The following ATP6V0B variants were observed in gnomAD, a reference collection of about 807,000 sequenced individuals.
The protein encoded by ATP6V0B is V-type proton ATPase 21 kDa proteolipid subunit c''.
In ATP6V0B, 4 loss-of-function variants were observed where a neutral mutation model predicts 26.2. That is an observed-to-expected ratio of 0.15 (90% CI 0.08 to 0.35). The LOEUF (loss-of-function observed/expected upper bound fraction) is 0.35. Ranked by LOEUF, ATP6V0B falls within the 10% of genes least tolerant of loss-of-function variation. The pLI, the probability that ATP6V0B is intolerant of heterozygous loss-of-function variation, is 1.00. For synonymous variants in ATP6V0B, 110 were observed against 105.8 expected, an observed-to-expected ratio of 1.04 and a Z score of -0.24; for missense variants, 175 against 272.5, an observed-to-expected ratio of 0.64 and a Z score of 2.52.
chr1:43,975,091 C>T lies in ATP6V0B; in HGVS notation c.51C>T (p.Ala17=), dbSNP rs1182607243. The change falls in exon 1 of 8, where the codon GCC becomes GCT. Residue 17 remains alanine, a synonymous_variant. Coordinates refer to ENST00000472174, the MANE Select transcript of ATP6V0B (RefSeq NM_004047.5). ...LYSGVFVAFW[A]CALAVGVCYT... is the part of the protein sequence containing the mutation. ...CCGGGGTCTTCGTGGCCTTCTGGGC[C>T]TGCGCGCTGGCCGTGGGTGAGGCCG... 8 of 1,410,110 alleles carry T rather than the reference C, an allele frequency of 5.7e-6. No individual in the cohort carries two copies. Among genetic ancestry groups the T allele is most frequent in the Non-Finnish European group, 7.4e-6 (8 of 1,087,902 alleles). 87.3% of individuals were successfully genotyped at this position (1,410,110 alleles called of 1,614,324 possible). A position where few individuals can be genotyped will look rare whatever the true frequency, so the allele number is the denominator to read the frequency against.
At chr1:43,975,778 T>A in intron 1 of ATP6V0B, 22 bp from the exon 2 acceptor site, 1 of 1,582,762 alleles carries the variant, frequency 6.3e-7, no homozygotes, top group Non-Finnish European at 8.6e-7. Flanking sequence ...CGTAACCCCC[T>A]TTTTCTCCCT....
chr1:43,975,539 C>T, intron 1 of ATP6V0B: 1 of 574,594 alleles, frequency 1.7e-6, no homozygotes, highest in Non-Finnish European at 3.1e-6. Context: ...CTTGCTCCCT[C>T]GGTCCCGCCT....
chr1:43,977,230 T>G lies in ATP6V0B; in HGVS notation c.591+14T>G, dbSNP rs1433736221. On this transcript the variant is annotated intron_variant, in intron 7 of 7. Coordinates refer to ENST00000472174, the MANE Select transcript of ATP6V0B (RefSeq NM_004047.5). ...GCAATTCTTCAGGTGATGAATCCCCTTGGGAAGCCTCTGTGTCCTTGTCCC... is the reference window on the plus strand; with the variant it reads ...GCAATTCTTCAGGTGATGAATCCCCGTGGGAAGCCTCTGTGTCCTTGTCCC... The G allele has an allele frequency of 1.9e-6, 3 of 1,614,102 alleles. No individual in the cohort carries two copies. Among genetic ancestry groups the G allele is most frequent in the Non-Finnish European group, 2.5e-6 (3 of 1,180,050 alleles).
At chr1:43,977,246 T>A (rs1398901516) in intron 7 of ATP6V0B, 30 bp downstream of exon 7, 18 of 1,614,070 alleles carry the variant, frequency 1.1e-5, no homozygotes, top group Non-Finnish European at 1.4e-5. Context: ...AGCCTCTGTG[T>A]CCTTGTCCCC....
Position 43,976,515 on chromosome 1 carries a change from C to A in ATP6V0B, c.279-75C>A, listed in dbSNP as rs936346290. On this transcript the variant is annotated intron_variant, in intron 4 of 7. Coordinates refer to ENST00000472174, the MANE Select transcript of ATP6V0B (RefSeq NM_004047.5). The surrounding 1 kb of genome is among the most constrained non-coding windows in gnomAD (Gnocchi z 4.6). ...TAGGGGAAAGATTGCTGGGGACTTACTGGGCAGGAAGGACGGTTTCTTTCT... is the reference window on the plus strand; with the variant it reads ...TAGGGGAAAGATTGCTGGGGACTTAATGGGCAGGAAGGACGGTTTCTTTCT... 4 of 1,578,276 alleles carry A rather than the reference C, an allele frequency of 2.5e-6. No individual in the cohort carries two copies. Among genetic ancestry groups the A allele is most frequent in the Non-Finnish European group, 1.7e-6 (2 of 1,148,672 alleles).
Position 43,976,518 on chromosome 1 carries a change from G to T in ATP6V0B, c.279-72G>T. ...GGGAAAGATTGCTGGGGACTTACTG[G>T]GCAGGAAGGACGGTTTCTTTCTCAT... is the stretch of plus-strand genomic sequence containing the variant. On this transcript the variant is annotated intron_variant, in intron 4 of 7. Coordinates refer to ENST00000472174, the MANE Select transcript of ATP6V0B (RefSeq NM_004047.5). The surrounding 1 kb of genome is among the most constrained non-coding windows in gnomAD (Gnocchi z 4.6). 6.3e-7 allele frequency: 1 copy of T among 1,582,262 alleles called. No homozygotes were observed. Among genetic ancestry groups the T allele is most frequent in the Non-Finnish European group, 8.7e-7 (1 of 1,151,968 alleles).
chr1:43,975,299 T>C, intron 1 of ATP6V0B, 192 bp downstream of exon 1: 1 of 697,246 alleles, frequency 1.4e-6, no homozygotes, highest in East Asian at 3.1e-5. Flanking sequence ...TGAGGAGGGG[T>C]GCGGGCGGGT....
In ATP6V0B at chr1:43,976,039, C is replaced by T. The variant is rs1311755233; in HGVS notation, c.117-51C>T. 9 of 1,589,808 alleles carry T rather than the reference C, an allele frequency of 5.7e-6. No individual in the cohort carries two copies. The highest frequency in any genetic ancestry group is 2.2e-5 in the East Asian group (1 of 44,760). ...GGGTTTGAGGGGTTAAGATTTTGTG[C>T]TCCGCTTCCCTGCTAGAGCTGAACT... is the stretch of plus-strand genomic sequence containing the variant. On this transcript the variant is annotated intron_variant, in intron 2 of 7. Coordinates refer to ENST00000472174, the MANE Select transcript of ATP6V0B (RefSeq NM_004047.5). The surrounding 1 kb of genome is among the most constrained non-coding windows in gnomAD (Gnocchi z 4.6).
chr1:43,975,919 G>C, intron 2 of ATP6V0B, 71 bp downstream of exon 2: 1 of 1,535,444 alleles, frequency 6.5e-7, no homozygotes, highest in Non-Finnish European at 8.9e-7. Flanking sequence ...TCTCTGGTCT[G>C]AGTCCCTCCC....
Position 43,976,883 on chromosome 1 carries a change from C to T in ATP6V0B, c.400+59C>T, listed in dbSNP as rs2085526372. The T allele has an allele frequency of 6.2e-7, 1 of 1,607,016 alleles. No homozygotes were observed. Among genetic ancestry groups the T allele is most frequent in the South Asian group, 1.1e-5 (1 of 90,944 alleles). ...GGACTTCATGCCTGCTTCCACTCTCCCCCATCCCAGCTTGGGCCATCATTT... is the reference window on the plus strand; with the variant it reads ...GGACTTCATGCCTGCTTCCACTCTCTCCCATCCCAGCTTGGGCCATCATTT... On this transcript the variant is annotated intron_variant, in intron 6 of 7. Coordinates refer to ENST00000472174, the MANE Select transcript of ATP6V0B (RefSeq NM_004047.5). This position sits in a 1 kb window ranked among gnomAD's most constrained non-coding sequence, Gnocchi z 4.6.
rs557265087 is a variant in ATP6V0B at position 43,978,011 on chromosome 1, A to G, written c.*4A>G. 1.9e-6 allele frequency: 3 copies of G among 1,614,012 alleles called. No individual in the cohort carries two copies. Among genetic ancestry groups the G allele is most frequent in the African/African-American group, 1.3e-5 (1 of 74,960 alleles). ...CAGAGTGAAGATGGGTGACTAGATG[A>G]TATGTGTGGGTGGGGCCGTGCCTCA... is the stretch of plus-strand genomic sequence containing the variant. On this transcript the variant is annotated 3_prime_UTR_variant, in exon 8 of 8. Transcript: ENST00000472174.
intron 1 of ATP6V0B, chr1:43,975,347 A>G (rs1297334789): frequency 2.6e-5 from 15 of 584,774 alleles, no homozygotes; most frequent in Non-Finnish European, 3.9e-5. Flanking sequence ...TCCTGCCACT[A>G]TCGCTGTCTC....
chr1:43,975,947 TG>T, intron 2 of ATP6V0B, 99 bp downstream of exon 2: 2 of 1,511,384 alleles, frequency 1.3e-6, no homozygotes, highest in South Asian at 2.4e-5. Flanking sequence ...ACTGCCTGCC[TG>T]GGACATGGAC....
At position 43,977,900 on chromosome 1, in the gene ATP6V0B, C is replaced by T. The variant is rs933773868; in HGVS notation, c.592-81C>T. On this transcript the variant is annotated intron_variant, in intron 7 of 7. Transcript: ENST00000472174. The stretch of plus-strand genomic sequence containing the variant: ...TGTGGTCTGTCCATCCAACCATGTG[C>T]TAGATGTCATCTTCTATCATTTGTC... 3.7e-6 allele frequency: 6 copies of T among 1,613,928 alleles called. No individual in the cohort carries two copies. In the African/African-American group the frequency reaches 8.0e-5, roughly 22 times the overall value.
chr1:43,977,298 C>A (rs768969383), intron 7 of ATP6V0B, 82 bp downstream of exon 7: 1 of 1,612,070 alleles, frequency 6.2e-7, no homozygotes, highest in Non-Finnish European at 8.5e-7. Flanking sequence ...GAAGTGCTCT[C>A]CTTCTCTACC....
Position 43,976,583 on chromosome 1 carries a change from C to T in ATP6V0B, c.279-7C>T. 6.2e-7 allele frequency: 1 copy of T among 1,614,004 alleles called. No homozygotes were observed. The highest frequency in any genetic ancestry group is 8.5e-7 in the Non-Finnish European group (1 of 1,179,902). On this transcript the variant is annotated splice_region_variant and splice_polypyrimidine_tract_variant and intron_variant, in intron 4 of 7. Coordinates refer to ENST00000472174, the MANE Select transcript of ATP6V0B (RefSeq NM_004047.5). The surrounding 1 kb of genome is among the most constrained non-coding windows in gnomAD (Gnocchi z 4.6). ...CACTCCTTACCCCTAATCTCTACCA[C>T]TACCAGCATCATCTTCTGTGAGGCT...
chr1:43,975,479 T>A (rs1184761063), intron 1 of ATP6V0B: 1 of 546,602 alleles, frequency 1.8e-6, no homozygotes, highest in African/African-American at 2.0e-5. Flanking sequence ...ACCCACAGCT[T>A]GTTGGGTAAA....
At chr1:43,975,512 G>A (rs2085510314) in intron 1 of ATP6V0B, 1 of 564,518 alleles carries the variant, frequency 1.8e-6, no homozygotes, top group East Asian at 3.1e-5. Context: ...CTGGGCCGGC[G>A]GGATCTGGCT....
In ATP6V0B at chr1:43,975,013, C is replaced by T. The variant is rs771994652; in HGVS notation, c.-28C>T. ...GACGCGTTTGTAGCTCCGGCCCCGC[C>T]GTTCCGACCCCCGCCGCCGTCGCCG... On this transcript the variant is annotated 5_prime_UTR_variant, in exon 1 of 8. Transcript: ENST00000472174. 4 of 1,263,478 alleles carry T rather than the reference C, an allele frequency of 3.2e-6. No homozygotes were observed. Among genetic ancestry groups the T allele is most frequent in the Admixed American group, 4.2e-5 (1 of 23,906 alleles). The allele number at this position is 1,263,478 out of a possible 1,614,324, so 78.3% of individuals were successfully genotyped here.
Sources: gnomAD v4.1 joint callset for allele counts on GRCh38, gnomAD v4.1.1 for gene constraint, Gnocchi (gnomAD v3.1) non-coding constraint, MANE v1.5 for transcripts, NCBI Gene and HGNC (gene_info 2026-07-23, HGNC 2026-07-21) for gene names.